Variants in CRB1 observed in about 807,000 individuals in gnomAD.
CRB1 encodes the protein protein crumbs homolog 1.
In CRB1, 83 loss-of-function variants were observed where a neutral mutation model predicts 120.0. The observed-to-expected ratio is 0.69, with a 90% CI of 0.58 to 0.83. The LOEUF (loss-of-function observed/expected upper bound fraction) is 0.83. Among genes scored for constraint, CRB1 ranks in the 40% least tolerant of loss-of-function variants. The probability of loss-of-function intolerance (pLI) is 0.00; values close to 1 mark genes in which losing one functional copy is unlikely to be tolerated. For synonymous variants in CRB1, 625 were observed against 612.5 expected, an observed-to-expected ratio of 1.02 and a Z score of -0.30; for missense variants, 1,699 against 1,687.6, an observed-to-expected ratio of 1.01 and a Z score of -0.12.
chr1:197,224,644 T>A, the CRB1 span, among the ~76,000 whole-genome samples: 1 of 152,150 alleles, frequency 6.6e-6, no homozygotes, highest in Non-Finnish European at 1.5e-5. Flanking sequence ...TTCTGTTACC[T>A]TTTTTGGATA....
chr1:197,209,345 GT>G, the CRB1 span, among the ~76,000 whole-genome samples: 1 of 151,804 alleles, frequency 6.6e-6, no homozygotes. Flanking sequence ...GTTTTGTTTT[GT>G]TTTGTTTTGT....
chr1:197,274,527 G>T (rs1421875625), intron 1 of CRB1, among the ~76,000 whole-genome samples: 1 of 152,086 alleles, frequency 6.6e-6, no homozygotes, highest in Non-Finnish European at 1.5e-5. Flanking sequence ...TGTACATTTT[G>T]ACAAATGCAC....
At chr1:197,318,135 ACT>A (rs1260957522) in intron 1 of CRB1, among the ~76,000 whole-genome samples, 1 of 152,140 alleles carries the variant, frequency 6.6e-6, no homozygotes, top group Non-Finnish European at 1.5e-5. Flanking sequence ...TATATAAGAA[ACT>A]CAACACCAAC....
chr1:197,347,313 G>T (rs1306609789), intron 3 of CRB1, 27 bp from the exon 4 acceptor site: 4 of 1,605,418 alleles, frequency 2.5e-6, no homozygotes, highest in Non-Finnish European at 3.4e-6. Context: ...ACTAAGAGTT[G>T]ACATGAAAAT....
At chr1:197,390,682 AT>A (rs1305959780) in intron 5 of CRB1, among the ~76,000 whole-genome samples, 1 of 152,160 alleles carries the variant, frequency 6.6e-6, no homozygotes, top group Non-Finnish European at 1.5e-5. Flanking sequence ...ACCAGAGTAA[AT>A]ATAATACAAA....
At chr1:197,394,467 C>G (rs998064926) in intron 5 of CRB1, among the ~76,000 whole-genome samples, 2 of 151,974 alleles carry the variant, frequency 1.3e-5, no homozygotes, top group East Asian at 3.9e-4. Context: ...GGTCGGCATC[C>G]CAGCCCCCAT....
chr1:197,371,587 C>T (rs775650553), intron 5 of CRB1, among the ~76,000 whole-genome samples: 12 of 152,098 alleles, frequency 7.9e-5, no homozygotes, highest in Non-Finnish European at 1.8e-4. Context: ...CAAGCTCATA[C>T]GTTATCCTGT....
chr1:197,329,509 G>A (rs1228590606), intron 2 of CRB1, among the ~76,000 whole-genome samples: 1 of 152,108 alleles, frequency 6.6e-6, no homozygotes, highest in Non-Finnish European at 1.5e-5. Flanking sequence ...GCCTGTTCTT[G>A]TTTTACGTCT....
upstream of CRB1, among the ~76,000 whole-genome samples, chr1:197,263,725 G>C (rs6660018): frequency 6.6e-6 from 1 of 151,282 alleles, no homozygotes; most frequent in Admixed American, 6.6e-5. Flanking sequence ...TCTATTTTCC[G>C]TGTCTCTTTA....
chr1:197,285,428 G>A (rs1655771632), intron 1 of CRB1, among the ~76,000 whole-genome samples: 1 of 151,834 alleles, frequency 6.6e-6, no homozygotes, highest in Admixed American at 6.6e-5. Flanking sequence ...ATGTACAACA[G>A]ACTAGTTAGA....
At chr1:197,414,395 C>T (rs915569080) in intron 5 of CRB1, among the ~76,000 whole-genome samples, 5 of 151,892 alleles carry the variant, frequency 3.3e-5, no homozygotes, top group African/African-American at 1.2e-4. Flanking sequence ...GATATTAATT[C>T]TAAATATAAA....
chr1:197,259,861 A>G, the CRB1 span, among the ~76,000 whole-genome samples: 1 of 152,046 alleles, frequency 6.6e-6, no homozygotes. Context: ...CTTAAAACAA[A>G]GTTTCAGGCC....
At chr1:197,466,281 A>C (rs979107949) in intron 11 of CRB1, among the ~76,000 whole-genome samples, 3 of 152,222 alleles carry the variant, frequency 2.0e-5, no homozygotes, top group African/African-American at 7.2e-5. Context: ...TCTGAGGCAT[A>C]AATGGGACTA....
At chr1:197,272,913 G>A (rs1654985641) in intron 1 of CRB1, among the ~76,000 whole-genome samples, 1 of 152,062 alleles carries the variant, frequency 6.6e-6, no homozygotes, top group East Asian at 1.9e-4. Context: ...AATCATTTAG[G>A]AAATCAAGGA....
intron 11 of CRB1, among the ~76,000 whole-genome samples, chr1:197,462,445 C>T (rs576560603): frequency 1.3e-5 from 2 of 152,156 alleles, no homozygotes; most frequent in East Asian, 1.9e-4. Context: ...AAAACAACTC[C>T]GAAGTTCCCC....
rs533227950 is a variant in CRB1 at position 197,356,917 on chromosome 1, T to G, written c.1075T>G (p.Ser359Ala). Reference sequence around the variant, plus strand: ...CAATGGGGAATGTGTGGAGCTGTCCTCAGAGAAACAATATGGACGCATCAC... The same window carrying G: ...CAATGGGGAATGTGTGGAGCTGTCCGCAGAGAAACAATATGGACGCATCAC... ...QSNGECVELS[S>A]EKQYGRITGL... is the part of the protein sequence containing the mutation. The change falls in exon 5 of 12, where the codon TCA becomes GCA. Residue 359 changes from serine (S) to alanine (A), a missense_variant. Transcript: ENST00000367400. 3.9e-4 allele frequency: 633 copies of G among 1,614,230 alleles called. 15 individuals carry two copies. In the South Asian group the frequency reaches 5.9e-3, roughly 15 times the overall value.
chr1:197,308,729 T>C (rs2125267447), intron 1 of CRB1, among the ~76,000 whole-genome samples: 1 of 151,894 alleles, frequency 6.6e-6, no homozygotes, highest in Non-Finnish European at 1.5e-5. Flanking sequence ...CCTTAATAAA[T>C]ATGAACTATT....
At chr1:197,355,585 G>A (rs781478751) in intron 4 of CRB1, among the ~76,000 whole-genome samples, 5 of 152,186 alleles carry the variant, frequency 3.3e-5, no homozygotes, top group Admixed American at 1.3e-4. Flanking sequence ...GAGCAGCACT[G>A]GTGTGCTGGC....
intron 11 of CRB1, among the ~76,000 whole-genome samples, chr1:197,451,321 G>GA (rs1195326446): frequency 6.6e-6 from 1 of 152,152 alleles, no homozygotes; most frequent in Non-Finnish European, 1.5e-5. Context: ...GGGCCAGGTG[G>GA]AAAAATGACA....
Sources: gnomAD v4.1 joint callset for allele counts (sites outside exome capture counted in the v4.1 genomes callset) on GRCh38, gnomAD v4.1.1 for gene constraint, MANE v1.5 for transcripts, NCBI Gene and HGNC (gene_info 2026-07-23, HGNC 2026-07-21) for gene names.